The following MEOX2 variants were observed in gnomAD, a reference collection of about 807,000 sequenced individuals.
The protein encoded by MEOX2 is mesenchyme homeobox 2, also known as homeobox protein MOX-2.
A neutral mutation model predicts 27.0 loss-of-function variants in MEOX2; 11 were observed. The observed-to-expected ratio is 0.41, with a 90% CI of 0.26 to 0.68. The LOEUF is 0.68. Among genes scored for constraint, MEOX2 ranks in the 30% least tolerant of loss-of-function variants. The pLI is 0.33. For synonymous variants in MEOX2, 189 were observed against 155.4 expected, an observed-to-expected ratio of 1.22 and a Z score of -1.61; for missense variants, 436 against 385.4, an observed-to-expected ratio of 1.13 and a Z score of -1.10.
intron 1 of MEOX2, among the ~76,000 whole-genome samples, chr7:15,664,994 G>C (rs1781977820): frequency 6.6e-6 from 1 of 151,156 alleles, no homozygotes; most frequent in African/African-American, 2.4e-5. Context: ...TTATTTCAGA[G>C]GAAATGAACA....
chr7:15,619,407 T>C (rs1221831802), intron 2 of MEOX2, among the ~76,000 whole-genome samples: 4 of 152,044 alleles, frequency 2.6e-5, no homozygotes, highest in African/African-American at 7.2e-5. Context: ...GTTGATTACA[T>C]ATAAATTAAT....
chr7:15,625,748 G>C (rs75798691), intron 2 of MEOX2, among the ~76,000 whole-genome samples: 2 of 152,182 alleles, frequency 1.3e-5, no homozygotes, highest in South Asian at 4.1e-4. Context: ...ACTGTTAACC[G>C]GCAGTAGGCT....
intron 2 of MEOX2, among the ~76,000 whole-genome samples, chr7:15,614,018 C>T (rs1308838684): frequency 1.3e-5 from 2 of 150,860 alleles, no homozygotes; most frequent in South Asian, 2.1e-4. Context: ...TGATTAGAAA[C>T]TCTTAATATT....
At chr7:15,629,146 A>C (rs1030532038) in intron 1 of MEOX2, among the ~76,000 whole-genome samples, 4 of 152,114 alleles carry the variant, frequency 2.6e-5, no homozygotes, top group African/African-American at 9.7e-5. Flanking sequence ...AACAAATTCA[A>C]ATTCAGGAAA....
intron 1 of MEOX2, among the ~76,000 whole-genome samples, chr7:15,645,784 A>C (rs1781636897): frequency 6.6e-6 from 1 of 152,154 alleles, no homozygotes; most frequent in Non-Finnish European, 1.5e-5. Context: ...TTGGCTTACC[A>C]ATAGTAAACA....
intron 1 of MEOX2, among the ~76,000 whole-genome samples, chr7:15,659,968 G>C (rs773541255): frequency 4.6e-5 from 7 of 152,130 alleles, no homozygotes; most frequent in African/African-American, 1.2e-4. Context: ...TTAGGAGACA[G>C]AAGTTAATAA....
chr7:15,653,523 T>G (rs1462668786), intron 1 of MEOX2, among the ~76,000 whole-genome samples: 1 of 151,988 alleles, frequency 6.6e-6, no homozygotes, highest in African/African-American at 2.4e-5. Context: ...TGGATCATGC[T>G]TTTGATGTCA....
intron 1 of MEOX2, among the ~76,000 whole-genome samples, chr7:15,654,581 C>T (rs1781790306): frequency 6.6e-6 from 1 of 151,688 alleles, no homozygotes; most frequent in South Asian, 2.1e-4. Flanking sequence ...GCCTCCATTT[C>T]TAGTTTTCTG....
At chr7:15,642,581 C>A (rs1433239769) in intron 1 of MEOX2, among the ~76,000 whole-genome samples, 1 of 152,112 alleles carries the variant, frequency 6.6e-6, no homozygotes, top group African/African-American at 2.4e-5. Flanking sequence ...TGCTTACAAT[C>A]CATATTTTGA....
intron 1 of MEOX2, among the ~76,000 whole-genome samples, chr7:15,638,650 T>C (rs1191940447): frequency 1.3e-5 from 2 of 152,038 alleles, no homozygotes; most frequent in Non-Finnish European, 2.9e-5. Flanking sequence ...TCTCCCCTTT[T>C]GGAATCCCCA....
At chr7:15,641,767 T>C (rs1254982035) in intron 1 of MEOX2, among the ~76,000 whole-genome samples, 1 of 152,166 alleles carries the variant, frequency 6.6e-6, no homozygotes, top group African/African-American at 2.4e-5. Context: ...TTTATTTCCA[T>C]TTTTAGAACT....
chr7:15,628,563 C>G (rs1408348313), intron 1 of MEOX2, among the ~76,000 whole-genome samples: 1 of 152,088 alleles, frequency 6.6e-6, no homozygotes, highest in African/African-American at 2.4e-5. Context: ...GTATGTGGGG[C>G]TTTATCCAGC....
rs74985103 is a variant in MEOX2 at position 15,620,604 on chromosome 7, A to G, written c.690+6142T>C. On this transcript the variant is annotated intron_variant, in intron 2 of 2. Coordinates refer to ENST00000262041, the MANE Select transcript of MEOX2 (RefSeq NM_005924.5). ...AGCAAAACAAAAAAAACAGCTGAGC[A>G]AAAGACAAAACCACTCTTTATTTGG... is the stretch of plus-strand genomic sequence containing the variant. 7.2e-3 allele frequency among the ~76,000 whole-genome samples: 1,097 copies of G among 152,270 alleles called. 22 individuals carry two copies. The highest frequency in any genetic ancestry group is 0.025 in the African/African-American group (1,034 of 41,570).
intron 1 of MEOX2, among the ~76,000 whole-genome samples, chr7:15,636,789 A>T (rs73302412): frequency 6.6e-6 from 1 of 152,048 alleles, no homozygotes; most frequent in Non-Finnish European, 1.5e-5. Flanking sequence ...GGCTGAGAAG[A>T]AGTGCACGAT....
At chr7:15,615,679 T>A (rs1781113189) in intron 2 of MEOX2, among the ~76,000 whole-genome samples, 1 of 152,066 alleles carries the variant, frequency 6.6e-6, no homozygotes, top group East Asian at 1.9e-4. Context: ...GAGAAAATTT[T>A]ACTTCTCTCT....
At chr7:15,653,865 C>A (rs1211798693) in intron 1 of MEOX2, among the ~76,000 whole-genome samples, 1 of 151,936 alleles carries the variant, frequency 6.6e-6, no homozygotes, top group East Asian at 1.9e-4. Context: ...CTTATCACTT[C>A]ATTCTCCCTG....
chr7:15,676,979 C>T (rs1583792836), intron 1 of MEOX2, among the ~76,000 whole-genome samples: 1 of 151,986 alleles, frequency 6.6e-6, no homozygotes, highest in Admixed American at 6.6e-5. Context: ...AGGAGAGGTC[C>T]AAGTAAAAGA....
At chr7:15,670,777 C>T (rs1475664261) in intron 1 of MEOX2, among the ~76,000 whole-genome samples, 1 of 152,134 alleles carries the variant, frequency 6.6e-6, no homozygotes, top group Non-Finnish European at 1.5e-5. Context: ...ATTTGTTGAG[C>T]AACCCTGTCT....
intron 1 of MEOX2, among the ~76,000 whole-genome samples, chr7:15,666,751 C>CAAAAAAAAAAA (rs61294753): frequency 3.2e-5 from 2 of 63,060 alleles, no homozygotes; most frequent in Non-Finnish European, 5.1e-5. Flanking sequence ...GACTCTGTCT[C>CAAAAAAAAAAA]AAAAAAAAAA....
Sources: gnomAD v4.1 joint callset for allele counts (sites outside exome capture counted in the v4.1 genomes callset) on GRCh38, gnomAD v4.1.1 for gene constraint, MANE v1.5 for transcripts, NCBI Gene and HGNC (gene_info 2026-07-23, HGNC 2026-07-21) for gene names.